The following SAR1A variants were observed in gnomAD, a reference collection of about 807,000 sequenced individuals.
SAR1A encodes secretion associated Ras related GTPase 1A.
Under a neutral mutation model 22.6 loss-of-function variants are expected in SAR1A, and 6 were observed. That is an observed-to-expected ratio of 0.27 (90% CI 0.15 to 0.52). The LOEUF is 0.52. Among genes scored for constraint, SAR1A ranks in the 20% least tolerant of loss-of-function variants. The pLI, the probability that SAR1A is intolerant of heterozygous loss-of-function variation, is 0.96. For missense variants in SAR1A, 145 were observed against 245.1 expected (o/e 0.59, Z 2.73); for synonymous variants, 70 against 82.2 (o/e 0.85, Z 0.80).
chr10:70,158,757 C>A (rs372405252), intron 4 of SAR1A, among the ~76,000 whole-genome samples: 1,618 of 125,192 alleles, frequency 0.013, 1 homozygote, highest in African/African-American at 0.015. Flanking sequence ...TTAAGTTATA[C>A]AAAAAAAAAA....
intron 1 of SAR1A, chr10:70,167,602 C>CAAAA (rs539404792): frequency 1.1e-5 from 1 of 88,756 alleles, no homozygotes; most frequent in African/African-American, 4.2e-5. Context: ...GACTCCATCT[C>CAAAA]AAAAAAAAAA....
chr10:70,157,733 AT>A (rs756610273), intron 5 of SAR1A, 30 bp downstream of exon 5: 3 of 1,527,984 alleles, frequency 2.0e-6, no homozygotes, highest in Non-Finnish European at 2.7e-6. Flanking sequence ...CAAAATATAC[AT>A]TAAAATACAC....
rs1308753146 is a variant in SAR1A at position 70,151,585 on chromosome 10, C to T, written c.*891G>A. On this transcript the variant is annotated 3_prime_UTR_variant, in exon 7 of 7. Transcript: ENST00000373241. Reference sequence around the variant, plus strand: ...ACTGATGCACCTGCAGTATGTGACACGAGAGATGTTCTCAACTCTTTTATG... The same window carrying T: ...ACTGATGCACCTGCAGTATGTGACATGAGAGATGTTCTCAACTCTTTTATG... 2.0e-5 allele frequency: 3 copies of T among 152,492 alleles called. No individual in the cohort carries two copies. Among genetic ancestry groups the T allele is most frequent in the Non-Finnish European group, 2.9e-5 (2 of 68,036 alleles). 9.4% of individuals were successfully genotyped at this position (152,492 alleles called of 1,614,324 possible). A position where few individuals can be genotyped will look rare whatever the true frequency, so the allele number is the denominator to read the frequency against.
intron 1 of SAR1A, among the ~76,000 whole-genome samples, chr10:70,170,136 G>C (rs1016726932): frequency 6.6e-6 from 1 of 152,124 alleles, no homozygotes; most frequent in South Asian, 2.1e-4. Flanking sequence ...CGGAGCGCAC[G>C]GTACAGACAA....
chr10:70,169,813 C>G (rs186373425), intron 1 of SAR1A, among the ~76,000 whole-genome samples: 1 of 152,306 alleles, frequency 6.6e-6, no homozygotes, highest in East Asian at 1.9e-4. Flanking sequence ...GAAGAAAACG[C>G]TAATCCATGT....
chr10:70,158,757 CAA>C (rs58884949), intron 4 of SAR1A, among the ~76,000 whole-genome samples: 3 of 125,762 alleles, frequency 2.4e-5, no homozygotes, highest in Non-Finnish European at 3.4e-5. Flanking sequence ...TTAAGTTATA[CAA>C]AAAAAAAAAA....
intron 1 of SAR1A, chr10:70,164,252 G>A: frequency 1.8e-6 from 1 of 542,862 alleles, no homozygotes; most frequent in Admixed American, 3.3e-5. Flanking sequence ...TGGTAATCAG[G>A]ACTTCATTCC....
rs1839290972 is a variant in SAR1A, at chr10:70,148,552, G to T, written c.*3924C>A. ...ACTTGGAATCCCAGCACGTTGGGAG[G>T]CTGAGGTAGGAGAATTTCCTGAGCC... On this transcript the variant is annotated 3_prime_UTR_variant, in exon 7 of 7. Transcript: ENST00000373241. The T allele has an allele frequency of 6.6e-6, 1 of 152,172 alleles. No homozygotes were observed. The highest frequency in any genetic ancestry group is 1.5e-5 in the Non-Finnish European group (1 of 68,066). The allele number at this position is 152,172 out of a possible 1,614,324, so 9.4% of individuals were successfully genotyped here.
intron 1 of SAR1A, chr10:70,164,222 C>CAA: frequency 1.8e-6 from 1 of 546,024 alleles, no homozygotes; most frequent in Non-Finnish European, 3.4e-6. Flanking sequence ...TCCCTACTGT[C>CAA]AAAAAAAAAT....
rs1839319042 is a variant in SAR1A at position 70,151,022 on chromosome 10, TTTA to T, written c.*1451_*1453del. 1 of 152,122 alleles carries T rather than the reference TTTA, an allele frequency of 6.6e-6. No homozygotes were observed. The highest frequency in any genetic ancestry group is 2.4e-5 in the African/African-American group (1 of 41,418). The allele number at this position is 152,122 out of a possible 1,614,324, so 9.4% of individuals were successfully genotyped here. On this transcript the variant is annotated 3_prime_UTR_variant, in exon 7 of 7. Coordinates refer to ENST00000373241, the MANE Select transcript of SAR1A (RefSeq NM_020150.5). ...TCATAGGAGATATATCTTTTGATCT[TTTA>T]TTATAAGGGTAGAATATAGATTAAG... is the stretch of plus-strand genomic sequence containing the variant.
intron 5 of SAR1A, among the ~76,000 whole-genome samples, chr10:70,157,215 T>C (rs1029926188): frequency 3.9e-5 from 6 of 151,988 alleles, no homozygotes; most frequent in African/African-American, 1.5e-4. Context: ...CCAACCTGAC[T>C]AACATGGTGA....
rs924077565 is a variant in SAR1A, at chr10:70,150,963, C to G, written c.*1513G>C. On this transcript the variant is annotated 3_prime_UTR_variant, in exon 7 of 7. Coordinates refer to ENST00000373241, the MANE Select transcript of SAR1A (RefSeq NM_020150.5). Reference sequence around the variant, plus strand: ...TACCCTCACATTAGAATAAAGACATCCTCCCAACTTTTCATCTCCTATCTC... The same window carrying G: ...TACCCTCACATTAGAATAAAGACATGCTCCCAACTTTTCATCTCCTATCTC... The G allele has an allele frequency of 6.6e-6, 1 of 152,170 alleles. No homozygotes were observed. Among genetic ancestry groups the G allele is most frequent in the African/African-American group, 2.4e-5 (1 of 41,424 alleles). 9.4% of individuals were successfully genotyped at this position (152,170 alleles called of 1,614,324 possible). A position where few individuals can be genotyped will look rare whatever the true frequency, so the allele number is the denominator to read the frequency against.
intron 1 of SAR1A, among the ~76,000 whole-genome samples, chr10:70,169,650 G>A (rs1839599513): frequency 6.6e-6 from 1 of 152,196 alleles, no homozygotes; most frequent in Non-Finnish European, 1.5e-5. Context: ...CAGATTTGGG[G>A]TAGTAGGCGG....
Position 70,147,369 on chromosome 10 carries a change from A to G in SAR1A, c.*5107T>C, listed in dbSNP as rs1244663520. 1 of 152,226 alleles carries G rather than the reference A, an allele frequency of 6.6e-6. No individual in the cohort carries two copies. The highest frequency in any genetic ancestry group is 1.5e-5 in the Non-Finnish European group (1 of 68,044). 9.4% of individuals were successfully genotyped at this position (152,226 alleles called of 1,614,324 possible). A position where few individuals can be genotyped will look rare whatever the true frequency, so the allele number is the denominator to read the frequency against. On this transcript the variant is annotated 3_prime_UTR_variant, in exon 7 of 7. Transcript: ENST00000373241. The stretch of plus-strand genomic sequence containing the variant: ...ATAACATAACCACCAGCCAGGATTT[A>G]TCTAGGCCAGGGTCCAAATACTTTC...
At position 70,149,471 on chromosome 10, in the gene SAR1A, T is replaced by G. The variant is rs1296351389; in HGVS notation, c.*3005A>C. The G allele has an allele frequency of 6.6e-6, 1 of 151,766 alleles. No individual in the cohort carries two copies. The highest frequency in any genetic ancestry group is 1.5e-5 in the Non-Finnish European group (1 of 67,954). The allele number at this position is 151,766 out of a possible 1,614,324, so 9.4% of individuals were successfully genotyped here. On this transcript the variant is annotated 3_prime_UTR_variant, in exon 7 of 7. Transcript: ENST00000373241. ...AGTTTTATGATCTCATTTGGGTTTTTGTAAAAGCAGTCTTCCTACAAGCCT... is the reference window on the plus strand; with the variant it reads ...AGTTTTATGATCTCATTTGGGTTTTGGTAAAAGCAGTCTTCCTACAAGCCT...
At chr10:70,164,096 CTA>C (rs1839513263) in intron 1 of SAR1A, 3 of 754,440 alleles carry the variant, frequency 4.0e-6, no homozygotes, top group Non-Finnish European at 7.4e-6. Context: ...GTCAAGTAAA[CTA>C]TGAGTTTGTA....
chr10:70,153,373 G>A (rs1013031057), intron 6 of SAR1A, among the ~76,000 whole-genome samples: 1 of 152,124 alleles, frequency 6.6e-6, no homozygotes, highest in Non-Finnish European at 1.5e-5. Context: ...ATCACTCTCT[G>A]TTTCTTCCTC....
At position 70,148,646 on chromosome 10, in the gene SAR1A, G is replaced by A. The variant is rs1564567313; in HGVS notation, c.*3830C>T. ...TCTACAAAAATTTTGAAAACTAGCT[G>A]AGCACGGTGGTGCAACCCTGTGGTC... On this transcript the variant is annotated 3_prime_UTR_variant, in exon 7 of 7. Transcript: ENST00000373241. 1 of 152,052 alleles carries A rather than the reference G, an allele frequency of 6.6e-6. No individual in the cohort carries two copies. The highest frequency in any genetic ancestry group is 1.5e-5 in the Non-Finnish European group (1 of 68,050). 9.4% of individuals were successfully genotyped at this position (152,052 alleles called of 1,614,324 possible). A position where few individuals can be genotyped will look rare whatever the true frequency, so the allele number is the denominator to read the frequency against.
intron 5 of SAR1A, chr10:70,154,969 AAAC>A: frequency 2.4e-6 from 1 of 413,640 alleles, no homozygotes; most frequent in East Asian, 7.2e-5. Flanking sequence ...GTAAGAACAT[AAAC>A]AACGGCTTTG....
Sources: gnomAD v4.1 joint callset for allele counts (sites outside exome capture counted in the v4.1 genomes callset) on GRCh38, gnomAD v4.1.1 for gene constraint, MANE v1.5 for transcripts, NCBI Gene and HGNC (gene_info 2026-07-23, HGNC 2026-07-21) for gene names.